NCOR1: variants seen among roughly 807,000 people sequenced by gnomAD.
The protein encoded by NCOR1 is protein phosphatase 1, regulatory subunit 109.
A neutral mutation model predicts 288.1 loss-of-function variants in NCOR1; 63 were observed. The ratio of observed to expected loss-of-function variants is 0.22; its 90% CI spans 0.18 to 0.27. The LOEUF (loss-of-function observed/expected upper bound fraction) is 0.27. NCOR1 is among the 10% of genes least tolerant of loss of function. NCOR1 has a pLI of 1.00. For missense variants in NCOR1, 2,397 were observed against 3,019.2 expected (o/e 0.79, Z 4.83); for synonymous variants, 1,007 against 1,065.9 (o/e 0.94, Z 1.08).
intron 21 of NCOR1, among the ~76,000 whole-genome samples, chr17:16,093,959 G>C (rs149322573): frequency 2.0e-5 from 3 of 152,020 alleles, no homozygotes; most frequent in Non-Finnish European, 4.4e-5. Context: ...CCAGGCTAGA[G>C]TGCAGTGGTG....
At chr17:16,202,192 C>T (rs1249314787) in intron 1 of NCOR1, among the ~76,000 whole-genome samples, 1 of 149,110 alleles carries the variant, frequency 6.7e-6, no homozygotes, top group Admixed American at 6.7e-5. Flanking sequence ...CCACTGCGTT[C>T]CAGCCTGGGC....
chr17:16,044,704 C>G (rs965073342), intron 42 of NCOR1: 7 of 702,290 alleles, frequency 1.0e-5, no homozygotes, highest in African/African-American at 3.5e-5. Context: ...AGGATAAGAT[C>G]AATGCCCTCG....
intron 29 of NCOR1, among the ~76,000 whole-genome samples, chr17:16,071,894 A>G (rs1459968518): frequency 7.2e-5 from 11 of 152,182 alleles, no homozygotes; most frequent in Non-Finnish European, 2.9e-5. Context: ...TTGAGATATG[A>G]TATTAATGCA....
intron 3 of NCOR1, among the ~76,000 whole-genome samples, chr17:16,179,406 A>C (rs2084917902): frequency 6.6e-6 from 1 of 152,196 alleles, no homozygotes; most frequent in Admixed American, 6.5e-5. Flanking sequence ...CAACCTACCA[A>C]GATTGAGTTA....
chr17:16,199,414 G>C (rs1408852472), intron 1 of NCOR1, among the ~76,000 whole-genome samples: 1 of 152,006 alleles, frequency 6.6e-6, no homozygotes, highest in Non-Finnish European at 1.5e-5. Context: ...TAACCAGAAT[G>C]TTTTCCTCAA....
In NCOR1 at chr17:16,065,585, G is replaced by C; in HGVS notation, c.4851C>G (p.Tyr1617Ter). Residue 1617 changes from tyrosine to a stop codon, truncating the protein, a stop_gained, in exon 33 of 46, where the codon TAC becomes TAG. Coordinates refer to ENST00000268712, the MANE Select transcript of NCOR1 (RefSeq NM_006311.4). LOFTEE classifies it high-confidence loss of function. Reference sequence around the variant, plus strand: ...TCACTTGCATCTGTTGTGAGGTAATGTAATCATTTAAGATTGTCTGTCTTG... The same window carrying C: ...TCACTTGCATCTGTTGTGAGGTAATCTAATCATTTAAGATTGTCTGTCTTG... ...ENTRQTILNDYITSQQMQVNL... is the reference protein window; with the variant it reads ...ENTRQTILND 1 of 1,614,206 alleles carries C rather than the reference G, an allele frequency of 6.2e-7. No homozygotes were observed. Among genetic ancestry groups the C allele is most frequent in the Non-Finnish European group, 8.5e-7 (1 of 1,180,040 alleles).
intron 14 of NCOR1, among the ~76,000 whole-genome samples, chr17:16,128,485 A>G (rs540352340): frequency 3.5e-4 from 53 of 152,308 alleles, no homozygotes; most frequent in African/African-American, 1.2e-3. Context: ...CAAGAATCCA[A>G]TCTTACTTCT....
At position 16,131,852 on chromosome 17, in the gene NCOR1, C is replaced by T. The variant is rs1388651116; in HGVS notation, c.1509+5459G>A. ...GGCACTCTCTGTGCCTGACTCTGCACTCCAGGGACTTTACACACATACCCA... is the reference window on the plus strand; with the variant it reads ...GGCACTCTCTGTGCCTGACTCTGCATTCCAGGGACTTTACACACATACCCA... On this transcript the variant is annotated intron_variant, in intron 14 of 45. Transcript: ENST00000268712. 2.6e-5 allele frequency among the ~76,000 whole-genome samples: 4 copies of T among 152,180 alleles called. 1 individual carries two copies. In the South Asian group the frequency reaches 8.3e-4, roughly 31 times the overall value.
At chr17:16,174,257 A>G (rs1005382943) in intron 3 of NCOR1, among the ~76,000 whole-genome samples, 8 of 152,224 alleles carry the variant, frequency 5.3e-5, no homozygotes, top group African/African-American at 1.7e-4. Flanking sequence ...GGAAAAGAAC[A>G]AAGTTGGAAA....
At chr17:16,163,915 T>C (rs1277669429) in intron 5 of NCOR1, among the ~76,000 whole-genome samples, 1 of 152,238 alleles carries the variant, frequency 6.6e-6, no homozygotes, top group East Asian at 1.9e-4. Context: ...CATATGATTC[T>C]GTTTTTTCTG....
intron 8 of NCOR1, among the ~76,000 whole-genome samples, chr17:16,151,190 TTAAAG>T (rs1321942650): frequency 7.1e-6 from 1 of 140,790 alleles, no homozygotes; most frequent in Non-Finnish European, 1.6e-5. Context: ...TAAAATTCTC[TTAAAG>T]TATAATTTTT....
intron 2 of NCOR1, among the ~76,000 whole-genome samples, chr17:16,190,010 G>A (rs2087773507): frequency 6.6e-6 from 1 of 152,196 alleles, no homozygotes; most frequent in African/African-American, 2.4e-5. Flanking sequence ...AGGCAGGACA[G>A]CTTGAGGCCA....
At chr17:16,187,734 A>T (rs959937100) in intron 2 of NCOR1, among the ~76,000 whole-genome samples, 1 of 151,846 alleles carries the variant, frequency 6.6e-6, no homozygotes, top group Non-Finnish European at 1.5e-5. Context: ...GTGAGACTTC[A>T]TCTCTACAAA....
At chr17:16,070,580 A>G in intron 30 of NCOR1, 55 bp from the exon 31 acceptor site, 1 of 1,576,210 alleles carries the variant, frequency 6.3e-7, no homozygotes, top group African/African-American at 1.3e-5. Context: ...CTACTTTTCT[A>G]TCTCAGGTCT....
At chr17:16,153,761 C>T (rs1019734124) in intron 6 of NCOR1, among the ~76,000 whole-genome samples, 8 of 152,034 alleles carry the variant, frequency 5.3e-5, no homozygotes, top group African/African-American at 1.9e-4. Context: ...ATAAATCCCC[C>T]AAACATTCTA....
chr17:16,058,299 G>T, intron 38 of NCOR1, 172 bp downstream of exon 38: 1 of 949,092 alleles, frequency 1.1e-6, no homozygotes, highest in Non-Finnish European at 1.5e-6. Flanking sequence ...ACAATTTTCT[G>T]TATCATTAAA....
intron 45 of NCOR1, among the ~76,000 whole-genome samples, chr17:16,034,542 AGGCTGCAGTGAGCCAT>A (rs1228148140): frequency 6.6e-6 from 1 of 152,120 alleles, no homozygotes; most frequent in East Asian, 1.9e-4. Context: ...TCAGAGGTCG[AGGCTGCAGTGAGCCAT>A]GATCATGCCA....
At chr17:16,173,347 C>T (rs1380579022) in intron 3 of NCOR1, among the ~76,000 whole-genome samples, 1 of 152,034 alleles carries the variant, frequency 6.6e-6, no homozygotes, top group East Asian at 1.9e-4. Flanking sequence ...ACTTCAGGAA[C>T]AAGACAAAGA....
At chr17:16,046,897 A>T in intron 42 of NCOR1, 54 bp downstream of exon 42, 1 of 1,594,706 alleles carries the variant, frequency 6.3e-7, no homozygotes, top group Non-Finnish European at 8.6e-7. Flanking sequence ...AACACTGGAG[A>T]TATCATTATT....
Sources: allele counts gnomAD v4.1 joint callset (sites outside exome capture counted in the v4.1 genomes callset), GRCh38; gene constraint gnomAD v4.1.1; transcripts MANE v1.5; gene names NCBI Gene and HGNC (gene_info 2026-07-23, HGNC 2026-07-21).